The following HDAC9 variants were observed in gnomAD, a reference collection of about 807,000 sequenced individuals.
HDAC9 encodes histone deacetylase 9, also known as MEF-2 interacting transcription repressor (MITR) protein.
In HDAC9, 41 loss-of-function variants were observed where a neutral mutation model predicts 139.4. That is an observed-to-expected ratio of 0.29 (90% confidence interval 0.23 to 0.38). The LOEUF (loss-of-function observed/expected upper bound fraction) is 0.38, where lower values mean the gene tolerates loss of function less well. HDAC9 is among the 10% of genes least tolerant of loss of function. The pLI, the probability that HDAC9 is intolerant of heterozygous loss-of-function variation, is 1.00. For synonymous variants in HDAC9, 517 were observed against 476.2 expected, an observed-to-expected ratio of 1.09 and a Z score of -1.12; for missense variants, 1,147 against 1,297.0, an observed-to-expected ratio of 0.88 and a Z score of 1.78.
chr7:18,102,679 C>G (rs1015681092), intron 1 of HDAC9, among the ~76,000 whole-genome samples: 1 of 152,228 alleles, frequency 6.6e-6, no homozygotes, highest in African/African-American at 2.4e-5. Context: ...TAAGTTTTAG[C>G]TGGGGACAAA....
At chr7:18,570,036 G>A (rs989924869) in intron 2 of HDAC9, among the ~76,000 whole-genome samples, 4 of 152,224 alleles carry the variant, frequency 2.6e-5, no homozygotes, top group Non-Finnish European at 4.4e-5. Flanking sequence ...AGTTAATTAT[G>A]ATTTAGTATC....
intron 22 of HDAC9, among the ~76,000 whole-genome samples, chr7:18,924,436 A>T (rs1428858637): frequency 6.6e-6 from 1 of 152,116 alleles, no homozygotes; most frequent in South Asian, 2.1e-4. Context: ...ACCTCGACTT[A>T]TGGCAGGAAA....
chr7:18,879,834 C>T (rs1241922842), intron 22 of HDAC9, among the ~76,000 whole-genome samples: 1 of 151,994 alleles, frequency 6.6e-6, no homozygotes, highest in Non-Finnish European at 1.5e-5. Context: ...GCTAAATAGC[C>T]TCTGCACAGC....
intron 17 of HDAC9, among the ~76,000 whole-genome samples, chr7:18,823,649 CT>C (rs1334001957): frequency 6.6e-6 from 1 of 152,066 alleles, no homozygotes; most frequent in Non-Finnish European, 1.5e-5. Flanking sequence ...CACATGCGGT[CT>C]TAAGGTCCCC....
At chr7:18,601,743 A>G (rs986619918) in intron 6 of HDAC9, among the ~76,000 whole-genome samples, 1 of 152,190 alleles carries the variant, frequency 6.6e-6, no homozygotes, top group Non-Finnish European at 1.5e-5. Flanking sequence ...CGATTTTTTA[A>G]AAAGCCATTT....
At chr7:18,261,681 T>G (rs1795689938) in intron 2 of HDAC9, among the ~76,000 whole-genome samples, 3 of 152,250 alleles carry the variant, frequency 2.0e-5, no homozygotes, top group Non-Finnish European at 4.4e-5. Flanking sequence ...AGTTAGGGTT[T>G]CATGGAGCAT....
chr7:18,263,633 G>A (rs939520993), intron 2 of HDAC9, among the ~76,000 whole-genome samples: 2 of 145,960 alleles, frequency 1.4e-5, no homozygotes, highest in East Asian at 2.0e-4. Context: ...TTTTGAGACC[G>A]AGTCTTGCTC....
At chr7:18,564,969 TTA>T (rs1821814257) in intron 2 of HDAC9, among the ~76,000 whole-genome samples, 3 of 126,938 alleles carry the variant, frequency 2.4e-5, no homozygotes, top group Non-Finnish European at 5.1e-5. Context: ...TTTTATTTAT[TTA>T]TTTATTTATT....
chr7:18,721,785 C>T (rs10225230), intron 12 of HDAC9, among the ~76,000 whole-genome samples: 12,927 of 152,162 alleles, frequency 0.085, 1,111 homozygotes, highest in African/African-American at 0.22. Flanking sequence ...TTACAAAAAA[C>T]GGAACCATGT....
intron 16 of HDAC9, among the ~76,000 whole-genome samples, chr7:18,780,720 A>C (rs777785725): frequency 1.3e-5 from 2 of 152,028 alleles, no homozygotes; most frequent in Non-Finnish European, 2.9e-5. Flanking sequence ...CAGTATCACT[A>C]TAGGATTCTT....
intron 1 of HDAC9, among the ~76,000 whole-genome samples, chr7:18,332,837 T>C (rs1436223494): frequency 2.6e-5 from 4 of 151,528 alleles, no homozygotes; most frequent in Admixed American, 1.3e-4. Context: ...AACATACACC[T>C]TACGGCACTG....
At chr7:18,549,454 A>G (rs1044030445) in intron 2 of HDAC9, among the ~76,000 whole-genome samples, 8 of 152,220 alleles carry the variant, frequency 5.3e-5, no homozygotes, top group African/African-American at 1.7e-4. Flanking sequence ...CATCCATGCC[A>G]TGGAATACTG....
chr7:18,535,783 C>T (rs1216155096), intron 2 of HDAC9, among the ~76,000 whole-genome samples: 1 of 141,574 alleles, frequency 7.1e-6, no homozygotes, highest in Non-Finnish European at 1.5e-5. Context: ...AGTACAACAG[C>T]TTTTGAAATT....
chr7:18,592,359 C>T (rs765160341), intron 5 of HDAC9, among the ~76,000 whole-genome samples: 3 of 151,904 alleles, frequency 2.0e-5, no homozygotes, highest in Non-Finnish European at 4.4e-5. Flanking sequence ...TCTGTAAGTC[C>T]AATACACAAA....
rs994516505 is a variant in HDAC9 at position 18,489,475 on chromosome 7, A to C, written c.-41-6787A>C. On this transcript the variant is annotated intron_variant, in intron 1 of 3. Transcript: ENST00000413509. ...ATAATTCTCTATCATCCTTATAACAATCCTGAGAAATTTATTATTTTGAAT... is the reference window on the plus strand; with the variant it reads ...ATAATTCTCTATCATCCTTATAACACTCCTGAGAAATTTATTATTTTGAAT... Among the ~76,000 whole-genome samples the C allele has an allele frequency of 3.9e-5, 6 of 152,062 alleles. No homozygotes were observed. In the East Asian group the frequency reaches 1.2e-3, roughly 29 times the overall value.
intron 2 of HDAC9, among the ~76,000 whole-genome samples, chr7:18,565,841 G>A (rs1822156040): frequency 1.3e-5 from 2 of 151,046 alleles, no homozygotes; most frequent in Admixed American, 1.3e-4. Flanking sequence ...TATTTATAAT[G>A]TGGATAATTT....
intron 12 of HDAC9, among the ~76,000 whole-genome samples, chr7:18,724,516 A>G (rs899335434): frequency 6.6e-6 from 1 of 152,190 alleles, no homozygotes; most frequent in Non-Finnish European, 1.5e-5. Flanking sequence ...TGAGTCAGCG[A>G]CTGGCTGATG....
intron 24 of HDAC9, among the ~76,000 whole-genome samples, chr7:18,956,354 A>G (rs978947651): frequency 2.6e-5 from 4 of 152,152 alleles, no homozygotes; most frequent in African/African-American, 9.6e-5. Context: ...AAAAATATCA[A>G]ATATTTAAAT....
intron 2 of HDAC9, among the ~76,000 whole-genome samples, chr7:18,245,202 A>T (rs903108870): frequency 6.6e-6 from 1 of 152,182 alleles, no homozygotes; most frequent in Non-Finnish European, 1.5e-5. Flanking sequence ...ATTTTGCTTC[A>T]TCTCCCAAAG....
Sources: gnomAD v4.1 joint callset for allele counts (sites outside exome capture counted in the v4.1 genomes callset) on GRCh38, gnomAD v4.1.1 for gene constraint, MANE v1.5 for transcripts, NCBI Gene and HGNC (gene_info 2026-07-23, HGNC 2026-07-21) for gene names.